Variants in AVEN observed in about 807,000 individuals in gnomAD.
The protein encoded by AVEN is apoptosis and caspase activation inhibitor, also known as cell death regulator Aven.
AVEN carries 41 observed loss-of-function variants against 38.1 expected under a neutral mutation model. The observed-to-expected ratio is 1.08, with a 90% CI of 0.84 to 1.40. AVEN has a LOEUF of 1.40. Ranked by LOEUF, AVEN falls within the 40% of genes most tolerant of loss-of-function variation. AVEN has a pLI of 0.00. For missense variants in AVEN, 605 were observed against 438.8 expected, an observed-to-expected ratio of 1.38 and a Z score of -3.38; for synonymous variants, 206 against 171.8, an observed-to-expected ratio of 1.20 and a Z score of -1.56.
chr15:33,979,601 T>C (rs1032885806), intron 2 of AVEN, among the ~76,000 whole-genome samples: 3 of 152,400 alleles, frequency 2.0e-5, no homozygotes, highest in South Asian at 2.1e-4. Flanking sequence ...TCAACCTTTA[T>C]GAGCCTCGGT....
chr15:33,881,944 G>C lies in AVEN; in HGVS notation c.446-5949C>G, dbSNP rs1443916672. On this transcript the variant is annotated intron_variant, in intron 2 of 5. Coordinates refer to ENST00000306730, the MANE Select transcript of AVEN (RefSeq NM_020371.3). ...TAGTTGACAAGGGAACAAACATGGA[G>C]AAGTGTGTCTTAGGAGTCATAAGAT... Among the ~76,000 whole-genome samples the C allele has an allele frequency of 5.3e-5, 8 of 152,212 alleles. No homozygotes were observed. In the East Asian group the frequency reaches 1.3e-3, roughly 26 times the overall value.
intron 2 of AVEN, among the ~76,000 whole-genome samples, chr15:34,002,379 A>G (rs573902143): frequency 2.8e-4 from 43 of 151,868 alleles, no homozygotes; most frequent in South Asian, 8.3e-4. Context: ...TTATTCTTTA[A>G]ACTCTTACGC....
intron 1 of AVEN, among the ~76,000 whole-genome samples, chr15:34,015,002 C>A (rs1897820209): frequency 6.6e-6 from 1 of 152,082 alleles, no homozygotes; most frequent in African/African-American, 2.4e-5. Context: ...CACTTCAAGA[C>A]AACAGAAGAC....
chr15:33,855,562 A>C (rs1292348236), downstream of AVEN, among the ~76,000 whole-genome samples: 3 of 151,878 alleles, frequency 2.0e-5, no homozygotes, highest in African/African-American at 7.3e-5. Flanking sequence ...CCTGGGGGTT[A>C]GCAAGTAGAC....
At chr15:33,872,383 C>A (rs1447087885) in intron 3 of AVEN, among the ~76,000 whole-genome samples, 2 of 152,200 alleles carry the variant, frequency 1.3e-5, no homozygotes, top group Non-Finnish European at 2.9e-5. Context: ...AAAACATACC[C>A]TTCAATCAGA....
chr15:33,952,255 T>C (rs1333843133), intron 2 of AVEN, among the ~76,000 whole-genome samples: 1 of 152,114 alleles, frequency 6.6e-6, no homozygotes, highest in Admixed American at 6.5e-5. Context: ...AAAAAATCAC[T>C]CCAGGTTCAA....
intron 1 of AVEN, among the ~76,000 whole-genome samples, chr15:34,037,740 T>C (rs1899214827): frequency 6.6e-6 from 1 of 152,112 alleles, no homozygotes; most frequent in Non-Finnish European, 1.5e-5. Context: ...TTAAGTTTGT[T>C]ACATTTAAAT....
intron 2 of AVEN, among the ~76,000 whole-genome samples, chr15:33,955,658 T>C (rs1408202540): frequency 1.3e-5 from 2 of 152,068 alleles, no homozygotes; most frequent in Non-Finnish European, 1.5e-5. Flanking sequence ...GTCGGGGGGA[T>C]GGGAATTAAA....
intron 2 of AVEN, among the ~76,000 whole-genome samples, chr15:33,947,028 G>A (rs529570269): frequency 6.6e-6 from 1 of 152,286 alleles, no homozygotes; most frequent in East Asian, 1.9e-4. Context: ...GTTCTCATCT[G>A]TAGACAGGTT....
chr15:33,892,615 T>C (rs149007794), intron 2 of AVEN, among the ~76,000 whole-genome samples: 2,499 of 152,302 alleles, frequency 0.016, 27 homozygotes, highest in Middle Eastern at 0.037. Context: ...CACCATGCTG[T>C]TTGGTAGCCT....
Position 33,977,295 on chromosome 15 carries a change from T to C in AVEN, c.445+25737A>G, listed in dbSNP as rs140921631. On this transcript the variant is annotated intron_variant, in intron 2 of 5. Transcript: ENST00000306730. ...AATACTCTTACTCTAAGACACTTTTTCTCATATATTGGTAGGATAGAAAGA... is the reference window on the plus strand; with the variant it reads ...AATACTCTTACTCTAAGACACTTTTCCTCATATATTGGTAGGATAGAAAGA... Among the ~76,000 whole-genome samples the C allele has an allele frequency of 4.5e-3, 683 of 152,308 alleles. 9 individuals are homozygous for C. Among genetic ancestry groups the C allele is most frequent in the African/African-American group, 0.015 (636 of 41,558 alleles).
At chr15:33,985,531 G>C (rs1157416548) in intron 2 of AVEN, among the ~76,000 whole-genome samples, 1 of 151,848 alleles carries the variant, frequency 6.6e-6, no homozygotes, top group Non-Finnish European at 1.5e-5. Flanking sequence ...ACAACTATGA[G>C]AAATTCAGAC....
intron 1 of AVEN, 63 bp downstream of exon 1, chr15:34,038,717 C>T: frequency 8.9e-7 from 1 of 1,120,496 alleles, no homozygotes; most frequent in East Asian, 4.6e-5. Flanking sequence ...TCTTGACTGG[C>T]GGCCTCGGCC....
At chr15:33,936,147 A>AT (rs1456695555) in intron 2 of AVEN, among the ~76,000 whole-genome samples, 3 of 152,156 alleles carry the variant, frequency 2.0e-5, no homozygotes, top group Non-Finnish European at 4.4e-5. Context: ...GAAAAAAAAA[A>AT]CAACAAGGAT....
intron 2 of AVEN, among the ~76,000 whole-genome samples, chr15:33,926,918 T>G (rs577564802): frequency 2.6e-5 from 4 of 152,132 alleles, no homozygotes; most frequent in African/African-American, 7.2e-5. Flanking sequence ...GCCTCCCAAA[T>G]TGCTAGGATT....
At chr15:33,931,572 G>A (rs900960449) in intron 2 of AVEN, among the ~76,000 whole-genome samples, 6 of 151,876 alleles carry the variant, frequency 4.0e-5, no homozygotes, top group Middle Eastern at 3.4e-3. Context: ...GGGTTTCACT[G>A]TGTTAGCCAG....
In AVEN at chr15:34,064,296, G is replaced by A. The variant is rs1900452760; in HGVS notation, n.1127-864C>T. 2 of 1,613,384 alleles carry A rather than the reference G, an allele frequency of 1.2e-6. No homozygotes were observed. Among genetic ancestry groups the A allele is most frequent in the Middle Eastern group, 1.7e-4 (1 of 6,046 alleles). On this transcript the variant is annotated intron_variant and non_coding_transcript_variant, in intron 4 of 11. Transcript: ENST00000675287. ...AGTGGAAGAGAAGTTGTACTGGCAG[G>A]GGAACAGCAAGCTACCCTGAAAAGT... is the stretch of plus-strand genomic sequence containing the variant.
chr15:33,908,143 G>A (rs1026768507), intron 2 of AVEN, among the ~76,000 whole-genome samples: 18 of 152,034 alleles, frequency 1.2e-4, no homozygotes, highest in African/African-American at 4.1e-4. Flanking sequence ...TATACAGTCC[G>A]GTGGCATTAA....
chr15:33,972,470 G>C (rs1895680254), intron 2 of AVEN: 1 of 151,232 alleles, frequency 6.6e-6, no homozygotes, highest in South Asian at 2.1e-4. Flanking sequence ...GAGGGGGCTG[G>C]TTAACACCTT....
Sources: gnomAD v4.1 joint callset for allele counts (sites outside exome capture counted in the v4.1 genomes callset) on GRCh38, gnomAD v4.1.1 for gene constraint, MANE v1.5 for transcripts, NCBI Gene and HGNC (gene_info 2026-07-23, HGNC 2026-07-21) for gene names.